PLGRKT: variants seen among roughly 807,000 people sequenced by gnomAD.
The protein encoded by PLGRKT is plasminogen receptor with a C-terminal lysine, also known as plasminogen receptor (KT).
PLGRKT carries 22 observed loss-of-function variants against 18.5 expected under a neutral mutation model. That is an observed-to-expected ratio of 1.19 (90% CI 0.85 to 1.70). The LOEUF (loss-of-function observed/expected upper bound fraction) is 1.70. Ranked by LOEUF, PLGRKT falls within the 40% of genes most tolerant of loss-of-function variation. PLGRKT has a pLI of 0.00. For missense variants in PLGRKT, 235 were observed against 174.4 expected (o/e 1.35, Z -1.96); for synonymous variants, 72 against 52.8 (o/e 1.36, Z -1.58).
chr9:5,408,776 C>A (rs952069207), intron 3 of PLGRKT, among the ~76,000 whole-genome samples: 7 of 152,244 alleles, frequency 4.6e-5, no homozygotes, highest in African/African-American at 1.4e-4. Flanking sequence ...CCTAAGAGGA[C>A]AGAATGGTTT....
At chr9:5,422,578 G>T (rs1041866234) in intron 3 of PLGRKT, among the ~76,000 whole-genome samples, 3 of 152,154 alleles carry the variant, frequency 2.0e-5, no homozygotes, top group African/African-American at 7.2e-5. Flanking sequence ...AACTATAGTA[G>T]GAAAACTTTG....
chr9:5,385,189 T>C (rs144048586), intron 3 of PLGRKT, among the ~76,000 whole-genome samples: 1 of 152,204 alleles, frequency 6.6e-6, no homozygotes, highest in Non-Finnish European at 1.5e-5. Flanking sequence ...CATTTATGAA[T>C]GAATAAATGT....
At chr9:5,380,225 C>T (rs1364587484) in intron 3 of PLGRKT, among the ~76,000 whole-genome samples, 13 of 151,980 alleles carry the variant, frequency 8.6e-5, no homozygotes, top group South Asian at 2.1e-4. Context: ...ATTAGCCAGG[C>T]GTGGTGGTGG....
At chr9:5,419,584 T>A (rs1818534304) in intron 3 of PLGRKT, among the ~76,000 whole-genome samples, 1 of 152,128 alleles carries the variant, frequency 6.6e-6, no homozygotes, top group African/African-American at 2.4e-5. Context: ...AAAGCAGATA[T>A]ACAAATGGCC....
chr9:5,424,890 C>T (rs117712955), intron 3 of PLGRKT, among the ~76,000 whole-genome samples: 155 of 151,218 alleles, frequency 1.0e-3, no homozygotes, highest in Non-Finnish European at 1.7e-3. Context: ...GGATTATAGG[C>T]GTGAGCTACC....
intron 3 of PLGRKT, among the ~76,000 whole-genome samples, chr9:5,420,676 C>T (rs1818558900): frequency 6.6e-6 from 1 of 152,218 alleles, no homozygotes; most frequent in Non-Finnish European, 1.5e-5. Context: ...CTCCCACTCA[C>T]TACCTGGTCT....
At chr9:5,423,697 T>G (rs1818619955) in intron 3 of PLGRKT, among the ~76,000 whole-genome samples, 2 of 151,640 alleles carry the variant, frequency 1.3e-5, no homozygotes, top group South Asian at 4.2e-4. Flanking sequence ...AAATTTCTTT[T>G]TTATTATTTT....
At chr9:5,431,861 G>GT (rs764314907) in intron 3 of PLGRKT, 36 bp downstream of exon 3, 5 of 1,003,606 alleles carry the variant, frequency 5.0e-6, no homozygotes, top group Non-Finnish European at 7.9e-6. Flanking sequence ...TTTAAGCATT[G>GT]TAACAACATA....
At chr9:5,370,136 A>G (rs1157126574) in intron 3 of PLGRKT, among the ~76,000 whole-genome samples, 1 of 152,210 alleles carries the variant, frequency 6.6e-6, no homozygotes, top group Non-Finnish European at 1.5e-5. Flanking sequence ...AAGCTAGCAT[A>G]TCATAGCAGG....
intron 3 of PLGRKT, among the ~76,000 whole-genome samples, chr9:5,431,595 C>G (rs1439701644): frequency 1.3e-5 from 2 of 150,558 alleles, no homozygotes; most frequent in African/African-American, 2.4e-5. Context: ...CTGCATAATC[C>G]AGGATAATCT....
chr9:5,358,440 T>C, intron 5 of PLGRKT, 80 bp from the exon 6 acceptor site: 2 of 1,292,426 alleles, frequency 1.5e-6, no homozygotes, highest in East Asian at 2.3e-5. Context: ...CTATATTCCT[T>C]GACAGGCTCT....
intron 3 of PLGRKT, among the ~76,000 whole-genome samples, chr9:5,416,807 C>T (rs1379014676): frequency 6.6e-6 from 1 of 152,182 alleles, no homozygotes; most frequent in Non-Finnish European, 1.5e-5. Context: ...GGTGGCTTGA[C>T]CTTTCTTTGC....
chr9:5,410,834 T>C (rs1237441709), intron 3 of PLGRKT, among the ~76,000 whole-genome samples: 2 of 151,890 alleles, frequency 1.3e-5, no homozygotes, highest in African/African-American at 4.8e-5. Context: ...AAATGAACAA[T>C]AAAATTTTGT....
At chr9:5,393,808 A>G (rs1386432496) in intron 3 of PLGRKT, among the ~76,000 whole-genome samples, 4 of 151,704 alleles carry the variant, frequency 2.6e-5, no homozygotes, top group Admixed American at 2.6e-4. Flanking sequence ...TTGAGCTACT[A>G]TTTTTTCTGG....
chr9:5,376,791 T>A (rs933854001), intron 3 of PLGRKT, among the ~76,000 whole-genome samples: 6 of 152,146 alleles, frequency 3.9e-5, no homozygotes, highest in Admixed American at 3.9e-4. Context: ...TACATACATA[T>A]AATCATATTC....
intron 3 of PLGRKT, among the ~76,000 whole-genome samples, chr9:5,417,407 G>T (rs1818484815): frequency 6.6e-6 from 1 of 151,954 alleles, no homozygotes; most frequent in Non-Finnish European, 1.5e-5. Flanking sequence ...CTAAATTTAA[G>T]AGCTACAACT....
intron 3 of PLGRKT, among the ~76,000 whole-genome samples, chr9:5,409,281 C>G (rs1419693087): frequency 2.6e-5 from 4 of 152,200 alleles, no homozygotes; most frequent in Non-Finnish European, 5.9e-5. Flanking sequence ...GAAGGCAGAT[C>G]TACCCTTAAT....
At chr9:5,434,273 AGGTGGGGAGCGCCTCTGCCCG>A in intron 2 of PLGRKT, among the ~76,000 whole-genome samples, 1 of 123,386 alleles carries the variant, frequency 8.1e-6, no homozygotes, top group African/African-American at 3.2e-5. Flanking sequence ...TTCGTCTGGG[AGGTGGGGAGCGCCTCTGCCCG>A]GCCGCCCCGT....
chr9:5,389,860 C>A (rs1817915059), intron 3 of PLGRKT, among the ~76,000 whole-genome samples: 1 of 151,830 alleles, frequency 6.6e-6, no homozygotes, highest in African/African-American at 2.4e-5. Context: ...CATTGAAGGA[C>A]AACACCTGTG....
Sources: gnomAD v4.1 joint callset for allele counts (sites outside exome capture counted in the v4.1 genomes callset) on GRCh38, gnomAD v4.1.1 for gene constraint, MANE v1.5 for transcripts, NCBI Gene and HGNC (gene_info 2026-07-23, HGNC 2026-07-21) for gene names.